The following CAMKMT variants were observed in gnomAD, a reference collection of about 807,000 sequenced individuals.
CAMKMT encodes CaM KMT.
CAMKMT carries 53 observed loss-of-function variants against 48.0 expected under a neutral mutation model. The observed-to-expected ratio is 1.10, with a 90% CI of 0.89 to 1.39. The LOEUF (loss-of-function observed/expected upper bound fraction) is 1.39. Among genes scored for constraint, CAMKMT ranks in the 40% most tolerant of loss-of-function variants. The pLI is 0.00. For missense variants in CAMKMT, 428 were observed against 402.7 expected, an observed-to-expected ratio of 1.06 and a Z score of -0.54; for synonymous variants, 165 against 152.3, an observed-to-expected ratio of 1.08 and a Z score of -0.61.
At chr2:44,677,868 A>AGT (rs1197320463) in intron 3 of CAMKMT, among the ~76,000 whole-genome samples, 1 of 152,078 alleles carries the variant, frequency 6.6e-6, no homozygotes, top group Non-Finnish European at 1.5e-5. Flanking sequence ...ATAAAACACA[A>AGT]GTGTGTGTGA....
intron 3 of CAMKMT, among the ~76,000 whole-genome samples, chr2:44,606,519 C>G (rs1246449813): frequency 7.9e-5 from 12 of 151,994 alleles, no homozygotes; most frequent in Non-Finnish European, 1.5e-5. Flanking sequence ...AGCATTTTAG[C>G]CTATCAGTAG....
chr2:44,593,424 T>C (rs1390085342), intron 3 of CAMKMT, among the ~76,000 whole-genome samples: 1 of 152,210 alleles, frequency 6.6e-6, no homozygotes, highest in Non-Finnish European at 1.5e-5. Context: ...AGCTCTGTAC[T>C]CTCTGATACT....
At chr2:44,556,727 C>T (rs13021166) in intron 3 of CAMKMT, among the ~76,000 whole-genome samples, 2 of 35,560 alleles carry the variant, frequency 5.6e-5, no homozygotes, top group African/African-American at 1.1e-4. Context: ...CCTCGGCCTC[C>T]CAAAGTGCTG....
chr2:44,436,859 A>G (rs1299748440), intron 3 of CAMKMT, among the ~76,000 whole-genome samples: 1 of 152,112 alleles, frequency 6.6e-6, no homozygotes, highest in African/African-American at 2.4e-5. Flanking sequence ...TACATCTTAG[A>G]TTTTCATCAA....
At chr2:44,488,028 G>T (rs761906363) in intron 3 of CAMKMT, among the ~76,000 whole-genome samples, 1 of 152,188 alleles carries the variant, frequency 6.6e-6, no homozygotes, top group Non-Finnish European at 1.5e-5. Flanking sequence ...GTATGTAAGA[G>T]AACTCTAAAA....
intron 10 of CAMKMT, among the ~76,000 whole-genome samples, chr2:44,769,023 A>C (rs947324476): frequency 6.6e-6 from 1 of 152,060 alleles, no homozygotes; most frequent in Non-Finnish European, 1.5e-5. Context: ...TGCCCTCTGC[A>C]TTAGTGCCTC....
intron 3 of CAMKMT, among the ~76,000 whole-genome samples, chr2:44,427,598 A>G (rs1684354468): frequency 6.6e-6 from 1 of 152,344 alleles, no homozygotes; most frequent in East Asian, 1.9e-4. Flanking sequence ...ACAATGAGAT[A>G]CCAAACCTTA....
chr2:44,525,024 A>T (rs1402283432), intron 3 of CAMKMT, among the ~76,000 whole-genome samples: 1 of 152,116 alleles, frequency 6.6e-6, no homozygotes, highest in Non-Finnish European at 1.5e-5. Context: ...TTCATTAAAT[A>T]TTCATTTAAA....
At chr2:44,726,512 A>G (rs1678796110) in intron 7 of CAMKMT, among the ~76,000 whole-genome samples, 1 of 152,162 alleles carries the variant, frequency 6.6e-6, no homozygotes, top group African/African-American at 2.4e-5. Context: ...GAGATTCTAG[A>G]TATTATGCCT....
At chr2:44,474,292 A>G (rs1401431610) in intron 3 of CAMKMT, among the ~76,000 whole-genome samples, 8 of 151,840 alleles carry the variant, frequency 5.3e-5, no homozygotes, top group Non-Finnish European at 2.9e-5. Context: ...CTAAAAATAC[A>G]AAAAATTAGC....
At chr2:44,539,496 A>G (rs1666973484) in intron 3 of CAMKMT, among the ~76,000 whole-genome samples, 3 of 152,140 alleles carry the variant, frequency 2.0e-5, no homozygotes, top group Admixed American at 2.0e-4. Flanking sequence ...AGGAAATTTG[A>G]TGTTGGTGCA....
chr2:44,427,706 A>G (rs1171989828), intron 3 of CAMKMT, among the ~76,000 whole-genome samples: 2 of 152,356 alleles, frequency 1.3e-5, no homozygotes, highest in South Asian at 4.1e-4. Flanking sequence ...ATGTAAATTA[A>G]CATGGAGCCC....
chr2:44,502,512 C>G (rs890623078), intron 3 of CAMKMT, among the ~76,000 whole-genome samples: 6 of 152,156 alleles, frequency 3.9e-5, no homozygotes, highest in Non-Finnish European at 7.4e-5. Flanking sequence ...ATCTGATGCA[C>G]TAATCACCAT....
At chr2:44,661,355 G>T (rs192400683) in intron 3 of CAMKMT, among the ~76,000 whole-genome samples, 1 of 122,656 alleles carries the variant, frequency 8.2e-6, no homozygotes, top group East Asian at 2.3e-4. Flanking sequence ...TCGCTCAGCT[G>T]CCCAGGCTGG....
intron 3 of CAMKMT, among the ~76,000 whole-genome samples, chr2:44,457,789 C>G (rs1667645444): frequency 6.6e-6 from 1 of 152,130 alleles, no homozygotes; most frequent in South Asian, 2.1e-4. Flanking sequence ...ATTAGAAACC[C>G]TCAATATTTG....
At chr2:44,463,788 A>G (rs1236500190) in intron 3 of CAMKMT, among the ~76,000 whole-genome samples, 1 of 152,208 alleles carries the variant, frequency 6.6e-6, no homozygotes, top group African/African-American at 2.4e-5. Flanking sequence ...GAGAAGATAC[A>G]TCTCCCCATA....
intron 3 of CAMKMT, among the ~76,000 whole-genome samples, chr2:44,395,951 A>T (rs1681798126): frequency 6.6e-6 from 1 of 152,144 alleles, no homozygotes; most frequent in South Asian, 2.1e-4. Flanking sequence ...ATATTTTTAG[A>T]ATAAAGTGTT....
chr2:44,423,203 A>G (rs1453182936), intron 3 of CAMKMT, among the ~76,000 whole-genome samples: 2 of 151,958 alleles, frequency 1.3e-5, no homozygotes, highest in African/African-American at 4.8e-5. Flanking sequence ...ATTTTGAGAC[A>G]GAGTCTCCCT....
At chr2:44,683,813 ACT>A (rs1336242454) in intron 3 of CAMKMT, among the ~76,000 whole-genome samples, 3 of 102,152 alleles carry the variant, frequency 2.9e-5, no homozygotes, top group African/African-American at 1.3e-4. Flanking sequence ...ACAGAGCGAG[ACT>A]CTGTCTCAAA....
Sources: gnomAD v4.1 joint callset for allele counts (sites outside exome capture counted in the v4.1 genomes callset) on GRCh38, gnomAD v4.1.1 for gene constraint, MANE v1.5 for transcripts, NCBI Gene and HGNC (gene_info 2026-07-23, HGNC 2026-07-21) for gene names.